Variants in HADHA observed in about 807,000 individuals in gnomAD.
The protein encoded by HADHA is trifunctional enzyme subunit alpha, mitochondrial.
HADHA carries 59 observed loss-of-function variants against 91.3 expected under a neutral mutation model. The observed-to-expected ratio is 0.65, with a 90% CI of 0.52 to 0.80. The LOEUF (loss-of-function observed/expected upper bound fraction) is 0.80. Ranked by LOEUF, HADHA falls within the 30% of genes least tolerant of loss-of-function variation. The pLI, the probability that HADHA is intolerant of heterozygous loss-of-function variation, is 0.00. For missense variants in HADHA, 800 were observed against 927.6 expected, an observed-to-expected ratio of 0.86 and a Z score of 1.79; for synonymous variants, 320 against 338.9, an observed-to-expected ratio of 0.94 and a Z score of 0.61.
chr2:26,237,713 CAAGAAA>C (rs1670794901), intron 3 of HADHA, among the ~76,000 whole-genome samples: 1 of 151,916 alleles, frequency 6.6e-6, no homozygotes, highest in Non-Finnish European at 1.5e-5. Context: ...TGGAAGATAC[CAAGAAA>C]AAGATGTGGT....
intron 7 of HADHA, among the ~76,000 whole-genome samples, chr2:26,217,768 A>G (rs901755969): frequency 3.9e-5 from 6 of 151,962 alleles, no homozygotes; most frequent in African/African-American, 1.5e-4. Flanking sequence ...TTAGCTGGGC[A>G]TGGTGGTGCA....
rs201193535 is a variant in HADHA, at chr2:26,232,295, A to G, written c.454-16T>C. 1 of 1,576,750 alleles carries G rather than the reference A, an allele frequency of 6.3e-7. No homozygotes were observed. Among genetic ancestry groups the G allele is most frequent in the East Asian group, 2.2e-5 (1 of 44,690 alleles). On this transcript the variant is annotated splice_polypyrimidine_tract_variant and intron_variant, in intron 5 of 19. Coordinates refer to ENST00000380649, the MANE Select transcript of HADHA (RefSeq NM_000182.5). ...AAATGGCAACCTTTGAACAAATGAA[A>G]GAAAATTAGAATGTTAGAAAATGTA...
intron 12 of HADHA, 105 bp from the exon 13 acceptor site, chr2:26,201,425 T>C: frequency 1.3e-6 from 1 of 760,230 alleles, no homozygotes; most frequent in Non-Finnish European, 2.3e-6. Flanking sequence ...CTCTGTGAGG[T>C]AGTTATTCTA....
Position 26,234,347 on chromosome 2 carries a change from G to T in HADHA, c.323C>A (p.Ala108Asp), listed in dbSNP as rs762296285. ...TACTTCTTGAAGGGTCTTGCAAGCG[G>T]CTAACATGCTGCATTATCCATAAAA... is the stretch of plus-strand genomic sequence containing the variant. ...FIAGADINML[A>D]ACKTLQEVTQ... is the part of the protein sequence containing the mutation. Residue 108 changes from alanine (A) to aspartate (D), a missense_variant, in exon 5 of 20, where the codon GCC becomes GAC. By Grantham distance (126) the Ala-to-Asp change is moderately radical. Coordinates refer to ENST00000380649, the MANE Select transcript of HADHA (RefSeq NM_000182.5). The T allele has an allele frequency of 1.1e-5, 18 of 1,612,406 alleles. No individual in the cohort carries two copies. In the Admixed American group the frequency reaches 1.5e-4, roughly 13 times the overall value.
intron 11 of HADHA, among the ~76,000 whole-genome samples, chr2:26,208,284 CT>C (rs980084083): frequency 2.0e-5 from 3 of 152,044 alleles, no homozygotes; most frequent in African/African-American, 4.8e-5. Flanking sequence ...CTCATTTTCT[CT>C]TTTTTTCTTA....
At chr2:26,215,216 A>G in intron 7 of HADHA, 41 bp from the exon 8 acceptor site, 1 of 1,604,466 alleles carries the variant, frequency 6.2e-7, no homozygotes, top group Non-Finnish European at 8.5e-7. Context: ...AATCAGGCTT[A>G]GACCAGTCCC....
intron 17 of HADHA, among the ~76,000 whole-genome samples, chr2:26,193,058 A>T (rs1669557656): frequency 6.6e-6 from 1 of 152,082 alleles, no homozygotes; most frequent in Non-Finnish European, 1.5e-5. Flanking sequence ...TGTGGGCCTC[A>T]ACTGTATACT....
At chr2:26,243,383 A>G (rs1026015655) in intron 1 of HADHA, 3 of 151,332 alleles carry the variant, frequency 2.0e-5, no homozygotes, top group African/African-American at 7.2e-5. Context: ...GCATATGAGT[A>G]GTAAGACAAT....
At chr2:26,223,615 T>C (rs1670423801) in intron 7 of HADHA, among the ~76,000 whole-genome samples, 1 of 152,232 alleles carries the variant, frequency 6.6e-6, no homozygotes, top group Non-Finnish European at 1.5e-5. Context: ...CTGGCTAAGC[T>C]CTTACACAAA....
chr2:26,215,132 T>C lies in HADHA; in HGVS notation c.720A>G (p.Leu240=). ...TGGCAAAAGTAATTGCAACTTCTTC[T>C]AGGTATTCTATTGTCCGTTCCTCTG... is the stretch of plus-strand genomic sequence containing the variant. The part of the protein sequence containing the change: ...KPPEERTIEY[L]EEVAITFAKG... The change falls in exon 8 of 20, where the codon CTA becomes CTG. Residue 240 remains leucine (L), a synonymous_variant. Coordinates refer to ENST00000380649, the MANE Select transcript of HADHA (RefSeq NM_000182.5). The C allele has an allele frequency of 6.2e-7, 1 of 1,608,342 alleles. No individual in the cohort carries two copies. The highest frequency in any genetic ancestry group is 8.5e-7 in the Non-Finnish European group (1 of 1,174,738).
chr2:26,201,251 A>C lies in HADHA; in HGVS notation c.1290T>G (p.Thr430=). The C allele has an allele frequency of 6.2e-7, 1 of 1,611,852 alleles. No homozygotes were observed. Residue 430 remains threonine, a synonymous_variant, in exon 13 of 20, where the codon ACT becomes ACG. Transcript: ENST00000380649. Reference sequence around the variant, plus strand: ...CAAAACCTTGGTAATCAAGCTGCCCAGTCAAGTTGCTGAAGATGGAATCCC... The same window carrying C: ...CAAAACCTTGGTAATCAAGCTGCCCCGTCAAGTTGCTGAAGATGGAATCCC... The part of the protein sequence containing the change: ...FERDSIFSNL[T]GQLDYQGFEK...
In HADHA at chr2:26,194,825, T is replaced by A. The variant is rs151243950; in HGVS notation, c.1621-187A>T. Among the ~76,000 whole-genome samples the A allele has an allele frequency of 2.9e-3, 441 of 152,136 alleles. 1 individual carries two copies. The highest frequency in any genetic ancestry group is 9.1e-3 in the African/African-American group (377 of 41,504). ...AAGCCGTACTAGGGGTAGCCTGGCTTGAATCAAACAGTACAGCAGATAGTT... is the reference window on the plus strand; with the variant it reads ...AAGCCGTACTAGGGGTAGCCTGGCTAGAATCAAACAGTACAGCAGATAGTT... On this transcript the variant is annotated intron_variant, in intron 15 of 19. Transcript: ENST00000380649.
At chr2:26,242,980 C>T (rs6752314) in intron 1 of HADHA, among the ~76,000 whole-genome samples, 30,674 of 152,130 alleles carry the variant, frequency 0.2, 3,163 homozygotes, top group Middle Eastern at 0.26. Context: ...CTCGATCTCC[C>T]GACCTCGTGA....
At chr2:26,235,822 C>T (rs1670733834) in intron 4 of HADHA, among the ~76,000 whole-genome samples, 1 of 152,168 alleles carries the variant, frequency 6.6e-6, no homozygotes, top group Non-Finnish European at 1.5e-5. Context: ...TATCATTTCC[C>T]CTCCTTATGT....
rs999965207 is a variant in HADHA at position 26,192,253 on chromosome 2, G to A, written c.2000+57C>T. The stretch of plus-strand genomic sequence containing the variant: ...AAAAAAATGGAAGAGGGGCTGGGAA[G>A]CTTTGGGCTGTCAGAGAAAGTCAAT... On this transcript the variant is annotated intron_variant, in intron 18 of 19. Transcript: ENST00000380649. 4.5e-6 allele frequency: 4 copies of A among 894,754 alleles called. No individual in the cohort carries two copies. The East Asian group carries it at 9.6e-5, about 21-fold the overall frequency. The allele number at this position is 894,754 out of a possible 1,614,324, so 55.4% of individuals were successfully genotyped here.
At chr2:26,212,099 T>C (rs1670114606) in intron 10 of HADHA, 1 of 168,582 alleles carries the variant, frequency 5.9e-6, no homozygotes, top group Admixed American at 5.8e-5. Context: ...TCTTTTTTTT[T>C]GGAGACAGGG....
intron 18 of HADHA, 30 bp from the exon 19 acceptor site, chr2:26,191,658 A>G (rs754125767): frequency 2.7e-5 from 44 of 1,611,752 alleles, no homozygotes; most frequent in Non-Finnish European, 3.6e-5. Flanking sequence ...TTTAGGTAGA[A>G]GAAGAGGAAA....
intron 4 of HADHA, chr2:26,234,946 G>C: frequency 6.6e-6 from 1 of 152,330 alleles, no homozygotes; most frequent in East Asian, 1.9e-4. Context: ...TAAAAATGAC[G>C]CAAAAGAAAA....
Position 26,238,988 on chromosome 2 carries a change from G to T in HADHA, c.126C>A (p.Asn42Lys). ...CTGCCACATCCCCTTTGACTCCATAGTTAATATGGGTTCTGGCTAAAAAGA... is the reference window on the plus strand; with the variant it reads ...CTGCCACATCCCCTTTGACTCCATATTTAATATGGGTTCTGGCTAAAAAGA... ...SSALLTRTHI[N>K]YGVKGDVAVV... The change falls in exon 3 of 20, where the codon AAC becomes AAA. Residue 42 changes from asparagine (N) to lysine (K), a missense_variant. Physicochemically the swap from Asn to Lys is moderately conservative, Grantham distance 94 (BLOSUM62 0). Transcript: ENST00000380649. 1 of 1,602,146 alleles carries T rather than the reference G, an allele frequency of 6.2e-7. No individual in the cohort carries two copies. Among genetic ancestry groups the T allele is most frequent in the Non-Finnish European group, 8.6e-7 (1 of 1,169,424 alleles).
Sources: gnomAD v4.1 joint callset for allele counts (sites outside exome capture counted in the v4.1 genomes callset) on GRCh38, gnomAD v4.1.1 for gene constraint, MANE v1.5 for transcripts, NCBI Gene and HGNC (gene_info 2026-07-23, HGNC 2026-07-21) for gene names.